Variants in UGT2A1 observed in about 807,000 individuals in gnomAD.
The protein encoded by UGT2A1 is UDP glucuronosyltransferase family 2 member A1 complex locus, also known as UDP-glucuronosyltransferase 2A1.
In UGT2A1, 61 loss-of-function variants were observed where a neutral mutation model predicts 45.4. That is an observed-to-expected ratio of 1.34 (90% CI 1.09 to 1.66). The LOEUF (loss-of-function observed/expected upper bound fraction) is 1.66. Ranked by LOEUF, UGT2A1 falls within the 40% of genes most tolerant of loss-of-function variation. The pLI is 0.00. For missense variants in UGT2A1, 649 were observed against 574.3 expected, an observed-to-expected ratio of 1.13 and a Z score of -1.33; for synonymous variants, 229 against 196.2, an observed-to-expected ratio of 1.17 and a Z score of -1.40.
intron 4 of UGT2A1, among the ~76,000 whole-genome samples, chr4:69,599,007 A>T (rs1310508704): frequency 6.6e-6 from 1 of 152,124 alleles, no homozygotes; most frequent in Non-Finnish European, 1.5e-5. Context: ...CAAGGTGTAG[A>T]CACACTGATA....
intron 3 of UGT2A1, among the ~76,000 whole-genome samples, chr4:69,610,063 T>C (rs1239892624): frequency 6.6e-6 from 1 of 152,166 alleles, no homozygotes; most frequent in Non-Finnish European, 1.5e-5. Context: ...GCTTCTGGTT[T>C]CCATTGGAAG....
intron 3 of UGT2A1, among the ~76,000 whole-genome samples, chr4:69,605,492 C>T (rs1286209247): frequency 2.9e-5 from 4 of 135,890 alleles, no homozygotes; most frequent in Non-Finnish European, 6.3e-5. Context: ...ATTGACACCC[C>T]AACATCACAA....
chr4:69,590,378 C>T (rs1025333311), intron 6 of UGT2A1, among the ~76,000 whole-genome samples: 1 of 152,122 alleles, frequency 6.6e-6, no homozygotes, highest in Admixed American at 6.6e-5. Context: ...TGGATATCTA[C>T]ATATTTAAAA....
intron 3 of UGT2A1, among the ~76,000 whole-genome samples, chr4:69,630,890 A>T (rs1013197201): frequency 6.6e-6 from 1 of 151,980 alleles, no homozygotes; most frequent in South Asian, 2.1e-4. Flanking sequence ...ATATATATAC[A>T]TACATGTAAG....
rs143979063 is a variant in UGT2A1 at position 69,611,265 on chromosome 4, T to C, written c.848-11871A>G. Among the ~76,000 whole-genome samples the C allele has an allele frequency of 7.1e-3, 764 of 108,002 alleles. 10 individuals carry two copies. Among genetic ancestry groups the C allele is most frequent in the African/African-American group, 0.026 (699 of 26,800 alleles). The allele number at this position is 108,002 out of a possible 152,430, so 70.9% of individuals were successfully genotyped here. ...GCTTCAAGCAATCCTCCTACCTCAA[T>C]CTCCCAGTAGGTCACCTCCAAGTCC... On this transcript the variant is annotated intron_variant, in intron 3 of 6. Coordinates refer to ENST00000286604, the MANE Select transcript of UGT2A1 (RefSeq NM_001252275.3).
At position 69,605,600 on chromosome 4, in the gene UGT2A1, C is replaced by CA. The variant is rs1282315513; in HGVS notation, c.848-6207dup. On this transcript the variant is annotated intron_variant, in intron 3 of 6. Coordinates refer to ENST00000286604, the MANE Select transcript of UGT2A1 (RefSeq NM_001252275.3). ...AGCAGAACTGAAGGAAATAGAGACA[C>CA]AAAAAACCCTTTAAAAAATCAATGA... is the stretch of plus-strand genomic sequence containing the variant. Among the ~76,000 whole-genome samples, 2 of 136,002 alleles carry CA rather than the reference C, an allele frequency of 1.5e-5. 1 individual carries two copies. Among genetic ancestry groups the CA allele is most frequent in the Non-Finnish European group, 3.1e-5 (2 of 64,076 alleles). The allele number at this position is 136,002 out of a possible 152,430, so 89.2% of individuals were successfully genotyped here. A position where few individuals can be genotyped will look rare whatever the true frequency, so the allele number is the denominator to read the frequency against.
At chr4:69,651,971 C>T (rs1722545575) in intron 1 of UGT2A1, among the ~76,000 whole-genome samples, 1 of 152,182 alleles carries the variant, frequency 6.6e-6, no homozygotes, top group Admixed American at 6.5e-5. Context: ...AAACGGGGCA[C>T]TTCAGGTGCC....
intron 3 of UGT2A1, among the ~76,000 whole-genome samples, chr4:69,634,193 C>T (rs1228414231): frequency 2.6e-5 from 4 of 151,874 alleles, no homozygotes; most frequent in East Asian, 1.9e-4. Flanking sequence ...TGCAGTGAGC[C>T]GAGATCGCGC....
chr4:69,589,757 C>T (rs1425684597), intron 6 of UGT2A1, 106 bp from the exon 7 acceptor site: 91 of 1,447,060 alleles, frequency 6.3e-5, no homozygotes, highest in East Asian at 9.4e-5. Context: ...GCCATAGTTA[C>T]GTGGAGAAAA....
Position 69,646,999 on chromosome 4 carries a change from AG to A in UGT2A1, c.645del (p.Tyr216ThrfsTer23), listed in dbSNP as rs943844544. 3 of 1,612,100 alleles carry A rather than the reference AG, an allele frequency of 1.9e-6. No homozygotes were observed. Among genetic ancestry groups the A allele is most frequent in the Non-Finnish European group, 2.5e-6 (3 of 1,178,944 alleles). On this transcript the variant is annotated frameshift_variant, in exon 2 of 7. Transcript: ENST00000286604. LOFTEE classifies it high-confidence loss of function. ...SFTDRIRNFI[S>X]YHLQDYMFET... is the part of the protein sequence containing the mutation. ...TCAAACATGTAGTCCTGTAGGTGGT[AG>A]GAGATGAAATTTCTTATTCTGTCAG...
At position 69,603,711 on chromosome 4, in the gene UGT2A1, A is replaced by G. The variant is rs1719434499; in HGVS notation, c.848-4317T>C. The G allele has an allele frequency of 1.5e-5, 2 of 136,634 alleles. 1 individual carries two copies. The highest frequency in any genetic ancestry group is 5.9e-5 in the African/African-American group (2 of 33,740). The allele number at this position is 136,634 out of a possible 1,614,324, so 8.5% of individuals were successfully genotyped here. A position where few individuals can be genotyped will look rare whatever the true frequency, so the allele number is the denominator to read the frequency against. ...GGCTAACTAGAATCACCAATGAAGA[A>G]AAGCCCTTAAAGGACCTGATGGAGC... On this transcript the variant is annotated intron_variant, in intron 3 of 6. Coordinates refer to ENST00000286604, the MANE Select transcript of UGT2A1 (RefSeq NM_001252275.3).
chr4:69,647,253 TTAAG>T lies in UGT2A1; in HGVS notation c.388_391del (p.Leu130LysfsTer5), dbSNP rs1194985936. On this transcript the variant is annotated frameshift_variant, in exon 2 of 7. Transcript: ENST00000286604. LOFTEE classifies it high-confidence loss of function. Reference sequence around the variant, plus strand: ...TAGCTTTGCCATCAGCTGTTGGTTTTTAAGAACGCCATCACAGATCTCCTGAGAC... The same window carrying T: ...TAGCTTTGCCATCAGCTGTTGGTTTTAACGCCATCACAGATCTCCTGAGAC... 1 of 1,613,388 alleles carries T rather than the reference TTAAG, an allele frequency of 6.2e-7. No homozygotes were observed. Among genetic ancestry groups the T allele is most frequent in the Non-Finnish European group, 8.5e-7 (1 of 1,179,530 alleles).
intron 3 of UGT2A1, among the ~76,000 whole-genome samples, chr4:69,625,177 T>C (rs1375018602): frequency 6.6e-6 from 1 of 151,024 alleles, no homozygotes. Flanking sequence ...TTTTTTTTCT[T>C]TGCTAGATGA....
At chr4:69,650,273 A>C (rs1171512328) in intron 1 of UGT2A1, among the ~76,000 whole-genome samples, 1 of 152,248 alleles carries the variant, frequency 6.6e-6, no homozygotes, top group African/African-American at 2.4e-5. Flanking sequence ...CACACACAGC[A>C]GTACCTACTA....
chr4:69,652,787 A>T (rs1168491112), intron 1 of UGT2A1, among the ~76,000 whole-genome samples: 2 of 152,202 alleles, frequency 1.3e-5, no homozygotes, highest in African/African-American at 4.8e-5. Flanking sequence ...TCACTTGTGT[A>T]CATTATTCTT....
chr4:69,635,335 T>A (rs534592610), intron 3 of UGT2A1, among the ~76,000 whole-genome samples: 44 of 152,256 alleles, frequency 2.9e-4, no homozygotes, highest in African/African-American at 9.4e-4. Flanking sequence ...TGCGCTGGGA[T>A]GGATAGAGAC....
chr4:69,589,782 G>T, intron 6 of UGT2A1, 131 bp from the exon 7 acceptor site: 3 of 1,325,894 alleles, frequency 2.3e-6, no homozygotes, highest in Non-Finnish European at 3.0e-6. Flanking sequence ...ATTCTTGCAT[G>T]AACTTTGTTA....
At chr4:69,606,381 G>A (rs892419751) in intron 3 of UGT2A1, among the ~76,000 whole-genome samples, 2 of 136,456 alleles carry the variant, frequency 1.5e-5, no homozygotes, top group African/African-American at 6.0e-5. Context: ...AACGCTTCAT[G>A]CTAAAAACTC....
At chr4:69,639,341 T>C (rs1400175421) in intron 2 of UGT2A1, 1 of 1,613,746 alleles carries the variant, frequency 6.2e-7, no homozygotes, top group Admixed American at 1.7e-5. Flanking sequence ...TCCACAGCAT[T>C]ATCATATGCT....
Sources: gnomAD v4.1 joint callset for allele counts (sites outside exome capture counted in the v4.1 genomes callset) on GRCh38, gnomAD v4.1.1 for gene constraint, MANE v1.5 for transcripts, NCBI Gene and HGNC (gene_info 2026-07-23, HGNC 2026-07-21) for gene names.